ANOS1: variants seen among roughly 807,000 people sequenced by gnomAD.
The protein encoded by ANOS1 is anosmin 1, also known as anosmin-1.
In ANOS1, 6 loss-of-function variants were observed where a neutral mutation model predicts 59.0. The ratio of observed to expected loss-of-function variants is 0.10; its 90% CI spans 0.06 to 0.20. The LOEUF is 0.20. Among genes scored for constraint, ANOS1 ranks in the 10% least tolerant of loss-of-function variants. The probability of loss-of-function intolerance (pLI) is 1.00; values close to 1 mark genes in which losing one functional copy is unlikely to be tolerated. For missense variants in ANOS1, 433 were observed against 542.3 expected, an observed-to-expected ratio of 0.80 and a Z score of 2.00; for synonymous variants, 217 against 223.4, an observed-to-expected ratio of 0.97 and a Z score of 0.25.
chrX:8,643,902 AC>A (rs1183234880), intron 2 of ANOS1, among the ~76,000 whole-genome samples: 1 of 106,528 alleles, frequency 9.4e-6, no homozygotes, highest in Non-Finnish European at 1.9e-5. Context: ...TAGAAGTGCC[AC>A]CCCCCCAACC....
At chrX:8,684,337 T>C (rs1932471332) in intron 2 of ANOS1, among the ~76,000 whole-genome samples, 3 of 111,350 alleles carry the variant, frequency 2.7e-5, no homozygotes, top group South Asian at 3.8e-4. Flanking sequence ...TTAGCCTGCA[T>C]AGTTCAGTTG....
chrX:8,614,157 A>G (rs758894221), intron 3 of ANOS1, among the ~76,000 whole-genome samples: 101 of 111,430 alleles, frequency 9.1e-4, no homozygotes, highest in Non-Finnish European at 1.6e-3. Context: ...TCCTTACTCC[A>G]GAGATCAAGT....
chrX:8,546,638 G>A (rs1381288882), intron 9 of ANOS1, among the ~76,000 whole-genome samples: 2 of 111,498 alleles, frequency 1.8e-5, no homozygotes, highest in Non-Finnish European at 3.8e-5. Flanking sequence ...TGCCTCCTGA[G>A]CTACAAGTAT....
At chrX:8,536,555 C>T (rs1929597618) in intron 11 of ANOS1, among the ~76,000 whole-genome samples, 1 of 111,607 alleles carries the variant, frequency 9.0e-6, no homozygotes, top group Admixed American at 9.5e-5. Flanking sequence ...AAAGGGATAA[C>T]ATTACTATCA....
At chrX:8,648,440 G>T (rs750474248) in intron 2 of ANOS1, among the ~76,000 whole-genome samples, 155 of 88,227 alleles carry the variant, frequency 1.8e-3, no homozygotes, top group African/African-American at 8.2e-3. Flanking sequence ...CAGCCTGGGG[G>T]ACAAGGCAAA....
intron 2 of ANOS1, among the ~76,000 whole-genome samples, chrX:8,697,569 G>A (rs1932702117): frequency 8.9e-6 from 1 of 111,892 alleles, no homozygotes; most frequent in African/African-American, 3.3e-5. Flanking sequence ...CAGGGGCTCT[G>A]AAGGAGGAGC....
chrX:8,635,111 T>A (rs1018602806), intron 2 of ANOS1, among the ~76,000 whole-genome samples: 1 of 110,780 alleles, frequency 9.0e-6, no homozygotes, highest in South Asian at 3.8e-4. Context: ...CAATTGTCCT[T>A]CCTCTCTGCC....
chrX:8,601,049 C>T (rs1040806511), intron 3 of ANOS1, among the ~76,000 whole-genome samples: 58 of 109,576 alleles, frequency 5.3e-4, no homozygotes, highest in African/African-American at 1.4e-3. Flanking sequence ...AAAAATTAGC[C>T]GGGCATGGTG....
intron 8 of ANOS1, among the ~76,000 whole-genome samples, chrX:8,557,627 A>C (rs932158415): frequency 1.9e-4 from 21 of 112,438 alleles, no homozygotes; most frequent in African/African-American, 5.8e-4. Flanking sequence ...ACAATTAGAT[A>C]CCATCTCATG....
intron 2 of ANOS1, among the ~76,000 whole-genome samples, chrX:8,695,074 G>A (rs1932664006): frequency 1.8e-5 from 2 of 111,680 alleles, no homozygotes; most frequent in South Asian, 3.7e-4. Context: ...CATTTTGGGA[G>A]GCTGAGGGGG....
In ANOS1 at chrX:8,669,244, G is replaced by C. The variant is rs1481713669; in HGVS notation, c.255+30454C>G. ...GTGTGGAATGGGAGAAGGATGACCA[G>C]GCACAGCACAGGGTATTTCTAGGAC... is the stretch of plus-strand genomic sequence containing the variant. On this transcript the variant is annotated intron_variant, in intron 2 of 13. Transcript: ENST00000262648. Among the ~76,000 whole-genome samples, 4 of 111,807 alleles carry C rather than the reference G, an allele frequency of 3.6e-5. No homozygotes were observed. The East Asian group carries it at 8.4e-4, about 23-fold the overall frequency.
chrX:8,587,328 T>G (rs1930535914), intron 5 of ANOS1, among the ~76,000 whole-genome samples: 1 of 111,813 alleles, frequency 8.9e-6, no homozygotes, highest in African/African-American at 3.2e-5. Context: ...CTGCTGGCTA[T>G]GTCCCACTAA....
At chrX:8,691,978 A>T (rs1932615268) in intron 2 of ANOS1, among the ~76,000 whole-genome samples, 1 of 111,490 alleles carries the variant, frequency 9.0e-6, no homozygotes, top group Non-Finnish European at 1.9e-5. Flanking sequence ...TTTTTGTTTG[A>T]CTTTAAATAT....
At chrX:8,630,371 C>T (rs1312094696) in intron 2 of ANOS1, among the ~76,000 whole-genome samples, 4 of 105,892 alleles carry the variant, frequency 3.8e-5, no homozygotes, top group Admixed American at 1.0e-4. Flanking sequence ...CTGGAAGTTG[C>T]GTGAGCTGAA....
At chrX:8,614,926 T>C (rs996325950) in intron 3 of ANOS1, among the ~76,000 whole-genome samples, 17 of 50,345 alleles carry the variant, frequency 3.4e-4, no homozygotes, top group Middle Eastern at 0.012. Context: ...TCTCAGTGCT[T>C]AAAAAGGAAA....
chrX:8,531,865 C>G lies in ANOS1; in HGVS notation c.*1130G>C, dbSNP rs1264889598. On this transcript the variant is annotated 3_prime_UTR_variant, in exon 14 of 14. Transcript: ENST00000262648. Reference sequence around the variant, plus strand: ...GGTTGTTACAATATACACTGCAACACTCTATATTGATAACACGTTTTGACT... The same window carrying G: ...GGTTGTTACAATATACACTGCAACAGTCTATATTGATAACACGTTTTGACT... 9.0e-6 allele frequency: 1 copy of G among 111,567 alleles called. No homozygotes were observed. Among genetic ancestry groups the G allele is most frequent in the East Asian group, 2.8e-4 (1 of 3,569 alleles). The allele number at this position is 111,567 out of a possible 1,213,427, so 9.2% of individuals were successfully genotyped here. A position where few individuals can be genotyped will look rare whatever the true frequency, so the allele number is the denominator to read the frequency against.
chrX:8,536,590 G>A (rs1929598179), intron 11 of ANOS1, among the ~76,000 whole-genome samples, 181 bp downstream of exon 11: 1 of 112,027 alleles, frequency 8.9e-6, no homozygotes, highest in African/African-American at 3.2e-5. Flanking sequence ...AAGCCTGTTA[G>A]GCTTTAAAAT....
chrX:8,586,356 ACT>A, intron 5 of ANOS1, among the ~76,000 whole-genome samples: 1 of 112,418 alleles, frequency 8.9e-6, no homozygotes, highest in East Asian at 2.8e-4. Flanking sequence ...AAGAATATGA[ACT>A]CTTACATGTG....
intron 1 of ANOS1, among the ~76,000 whole-genome samples, chrX:8,715,872 C>T (rs1191256746): frequency 9.1e-6 from 1 of 109,601 alleles, no homozygotes; most frequent in Non-Finnish European, 1.9e-5. Context: ...GCTGGGGCTA[C>T]AGGCATGCAC....
Sources: gnomAD v4.1 joint callset for allele counts (sites outside exome capture counted in the v4.1 genomes callset) on GRCh38, gnomAD v4.1.1 for gene constraint, MANE v1.5 for transcripts, NCBI Gene and HGNC (gene_info 2026-07-23, HGNC 2026-07-21) for gene names.